The following RBFOX1 variants were observed in gnomAD, a reference collection of about 807,000 sequenced individuals.
RBFOX1 encodes RNA binding fox-1 homolog 1.
Under a neutral mutation model 57.7 loss-of-function variants are expected in RBFOX1, and 8 were observed. That is an observed-to-expected ratio of 0.14 (90% CI 0.08 to 0.25). The LOEUF is 0.25. Ranked by LOEUF, RBFOX1 falls within the 10% of genes least tolerant of loss-of-function variation. RBFOX1 has a pLI of 1.00. For synonymous variants in RBFOX1, 326 were observed against 222.4 expected, an observed-to-expected ratio of 1.47 and a Z score of -4.15; for missense variants, 611 against 548.5, an observed-to-expected ratio of 1.11 and a Z score of -1.14.
chr16:6,686,684 T>C (rs1477417421), intron 3 of RBFOX1, among the ~76,000 whole-genome samples: 1 of 152,174 alleles, frequency 6.6e-6, no homozygotes, highest in Admixed American at 6.5e-5. Context: ...TTTTCTTCTT[T>C]AATGCTAAGG....
chr16:7,398,844 T>G (rs149982086), intron 4 of RBFOX1, among the ~76,000 whole-genome samples: 4 of 152,208 alleles, frequency 2.6e-5, no homozygotes, highest in Non-Finnish European at 5.9e-5. Context: ...TTTTAAAATG[T>G]AATCCTTGTA....
intron 10 of RBFOX1, among the ~76,000 whole-genome samples, chr16:7,621,846 T>C (rs943186404): frequency 4.6e-5 from 7 of 152,186 alleles, no homozygotes; most frequent in African/African-American, 1.2e-4. Context: ...GTAAACACTT[T>C]AGCCTCTGCA....
rs532837937 is a variant in RBFOX1 at position 6,082,844 on chromosome 16, C to T, written c.-127+62852C>T. 2.0e-5 allele frequency among the ~76,000 whole-genome samples: 3 copies of T among 152,170 alleles called. No individual in the cohort carries two copies. The East Asian group carries it at 5.8e-4, about 29-fold the overall frequency. On this transcript the variant is annotated intron_variant, in intron 1 of 15. Coordinates refer to ENST00000550418, the MANE Select transcript of RBFOX1 (RefSeq NM_018723.4). ...ATAGCTGCAAGATGATGCACTTGGA[C>T]CCAATAGCCCAGATCCCACGGGTGT...
intron 4 of RBFOX1, among the ~76,000 whole-genome samples, chr16:7,489,385 G>A (rs1450561548): frequency 6.6e-6 from 1 of 152,068 alleles, no homozygotes; most frequent in Non-Finnish European, 1.5e-5. Context: ...ATATGTGCCA[G>A]GTCCTAATGC....
At chr16:7,317,182 G>T (rs898103260) in intron 4 of RBFOX1, among the ~76,000 whole-genome samples, 1 of 151,786 alleles carries the variant, frequency 6.6e-6, no homozygotes, top group African/African-American at 2.4e-5. Flanking sequence ...GGAGTGGACA[G>T]AAAAGAAACG....
chr16:7,373,117 T>C (rs764050823), intron 4 of RBFOX1, among the ~76,000 whole-genome samples: 16 of 151,962 alleles, frequency 1.1e-4, no homozygotes, highest in Non-Finnish European at 1.5e-4. Flanking sequence ...TATTTTTTAG[T>C]GAGACGGTGT....
intron 4 of RBFOX1, among the ~76,000 whole-genome samples, chr16:7,485,803 C>T (rs991771309): frequency 2.6e-5 from 4 of 152,296 alleles, no homozygotes; most frequent in Middle Eastern, 3.4e-3. Context: ...TGTGGCTCTC[C>T]GAGTCCACTT....
intron 4 of RBFOX1, among the ~76,000 whole-genome samples, chr16:7,139,196 G>GTGTGTGTGTA (rs764013202): frequency 6.7e-6 from 1 of 149,480 alleles, no homozygotes; most frequent in Non-Finnish European, 1.5e-5. Context: ...GTGTGTGTGT[G>GTGTGTGTGTA]TATGTGTGTG....
At chr16:6,065,027 CTTTTTT>C (rs893364785) in intron 1 of RBFOX1, among the ~76,000 whole-genome samples, 1 of 149,428 alleles carries the variant, frequency 6.7e-6, no homozygotes, top group Non-Finnish European at 1.5e-5. Context: ...TTCTTTCTTT[CTTTTTT>C]TTTCTTTTTC....
chr16:7,595,706 G>C (rs1325919455), intron 8 of RBFOX1, 65 bp downstream of exon 8: 1 of 1,341,822 alleles, frequency 7.5e-7, no homozygotes, highest in East Asian at 2.7e-5. Flanking sequence ...CTCATTCGTT[G>C]TTCCAGATGC....
intron 3 of RBFOX1, among the ~76,000 whole-genome samples, chr16:5,750,795 C>G (rs770251496): frequency 2.5e-4 from 38 of 152,230 alleles, no homozygotes; most frequent in African/African-American, 8.9e-4. Flanking sequence ...AGGGAATTCC[C>G]TGACACCTTG....
chr16:6,392,555 T>G (rs1397859855), intron 2 of RBFOX1, among the ~76,000 whole-genome samples: 1 of 152,240 alleles, frequency 6.6e-6, no homozygotes, highest in South Asian at 2.1e-4. Context: ...CTATGCTTGC[T>G]GTAAGGTCAA....
At chr16:7,066,438 T>C (rs4622529) in intron 4 of RBFOX1, among the ~76,000 whole-genome samples, 103,051 of 152,102 alleles carry the variant, frequency 0.68, 35,334 homozygotes, top group South Asian at 0.74. Context: ...AGACCTAGCA[T>C]TGAGGCCCAA....
At chr16:7,291,702 C>T (rs1379357063) in intron 4 of RBFOX1, among the ~76,000 whole-genome samples, 1 of 151,748 alleles carries the variant, frequency 6.6e-6, no homozygotes, top group South Asian at 2.1e-4. Flanking sequence ...ATGCAGGAGG[C>T]TGTCTGAAGT....
chr16:7,180,091 C>A (rs75824400), intron 4 of RBFOX1, among the ~76,000 whole-genome samples: 1 of 151,986 alleles, frequency 6.6e-6, no homozygotes, highest in Admixed American at 6.6e-5. Flanking sequence ...GAAAATATTT[C>A]TTCTTTTGTC....
intron 3 of RBFOX1, among the ~76,000 whole-genome samples, chr16:5,614,661 G>T (rs545946338): frequency 1.3e-5 from 2 of 152,190 alleles, no homozygotes; most frequent in East Asian, 3.9e-4. Context: ...TCATTTTCCA[G>T]TTGTCAACAT....
chr16:5,688,890 C>T (rs1471814888), intron 3 of RBFOX1, among the ~76,000 whole-genome samples: 1 of 152,170 alleles, frequency 6.6e-6, no homozygotes, highest in African/African-American at 2.4e-5. Context: ...CTCTGCTTCT[C>T]CTGGTATTGA....
At chr16:6,862,779 G>C (rs1350155251) in intron 3 of RBFOX1, among the ~76,000 whole-genome samples, 1 of 152,150 alleles carries the variant, frequency 6.6e-6, no homozygotes, top group Non-Finnish European at 1.5e-5. Context: ...GAGGTCAGGA[G>C]TTGAAGATCA....
chr16:5,455,915 G>C (rs1311112754), intron 1 of RBFOX1, among the ~76,000 whole-genome samples: 1 of 152,108 alleles, frequency 6.6e-6, no homozygotes, highest in Non-Finnish European at 1.5e-5. Context: ...GCAATTCAGA[G>C]CATTAACCTA....
Sources: allele counts gnomAD v4.1 joint callset (sites outside exome capture counted in the v4.1 genomes callset), GRCh38; gene constraint gnomAD v4.1.1; transcripts MANE v1.5; gene names NCBI Gene and HGNC (gene_info 2026-07-23, HGNC 2026-07-21).